Variants in NPAS3 observed in about 807,000 individuals in gnomAD.
NPAS3 encodes the protein neuronal PAS domain protein 3.
In NPAS3, 14 loss-of-function variants were observed where a neutral mutation model predicts 73.1. That is an observed-to-expected ratio of 0.19 (90% CI 0.13 to 0.30). The LOEUF (loss-of-function observed/expected upper bound fraction) is 0.30, where lower values mean the gene tolerates loss of function less well. NPAS3 is among the 10% of genes least tolerant of loss of function. The probability of loss-of-function intolerance (pLI) is 1.00; values close to 1 mark genes in which losing one functional copy is unlikely to be tolerated. For synonymous variants in NPAS3, 620 were observed against 541.5 expected (o/e 1.14, Z -2.01); for missense variants, 1,096 against 1,250.0 (o/e 0.88, Z 1.86).
intron 1 of NPAS3, among the ~76,000 whole-genome samples, chr14:32,956,640 A>G (rs1427680337): frequency 3.9e-5 from 6 of 152,186 alleles, no homozygotes; most frequent in African/African-American, 1.4e-4. Flanking sequence ...TCCAAAGTTT[A>G]TAATCTGTTG....
chr14:33,734,162 A>G (rs938780298), intron 6 of NPAS3, among the ~76,000 whole-genome samples: 1 of 152,192 alleles, frequency 6.6e-6, no homozygotes. Flanking sequence ...TAGCGTTAGC[A>G]TACGACTACT....
intron 2 of NPAS3, among the ~76,000 whole-genome samples, chr14:33,171,481 T>C (rs942703853): frequency 6.6e-6 from 1 of 152,222 alleles, no homozygotes; most frequent in African/African-American, 2.4e-5. Flanking sequence ...TTTTATGTTA[T>C]GGCATCTTTC....
At position 33,607,719 on chromosome 14, in the gene NPAS3, A is replaced by G. The variant is rs141587923; in HGVS notation, c.558+47509A>G. Among the ~76,000 whole-genome samples, 338 of 152,328 alleles carry G rather than the reference A, an allele frequency of 2.2e-3. 2 individuals carry two copies. Among genetic ancestry groups the G allele is most frequent in the African/African-American group, 7.7e-3 (322 of 41,572 alleles). The stretch of plus-strand genomic sequence containing the variant: ...TAGGAACATGTATTAGTCCGTTCTC[A>G]TGCTGCTAATAAAGACATACCTGAG... On this transcript the variant is annotated intron_variant, in intron 5 of 11. Transcript: ENST00000356141.
At chr14:33,090,271 A>C (rs1440061840) in intron 2 of NPAS3, among the ~76,000 whole-genome samples, 1 of 133,710 alleles carries the variant, frequency 7.5e-6, no homozygotes, top group East Asian at 2.2e-4. Flanking sequence ...GTGCAGAGTC[A>C]CACATAGGCT....
intron 5 of NPAS3, among the ~76,000 whole-genome samples, chr14:33,562,974 G>A (rs1054414877): frequency 7.2e-5 from 11 of 151,728 alleles, no homozygotes; most frequent in Non-Finnish European, 1.3e-4. Flanking sequence ...TTGGCTAAGT[G>A]GTTATTCTAT....
chr14:33,051,280 C>CAAAAAAAAAAAAAAAAAA (rs1236766783), intron 1 of NPAS3, among the ~76,000 whole-genome samples: 8 of 64,248 alleles, frequency 1.2e-4, no homozygotes, highest in South Asian at 5.6e-4. Context: ...GACTCCGTCT[C>CAAAAAAAAAAAAAAAAAA]AAAAAAAAAA....
At chr14:33,307,615 G>A (rs536790829) in intron 3 of NPAS3, among the ~76,000 whole-genome samples, 13 of 150,032 alleles carry the variant, frequency 8.7e-5, no homozygotes, top group East Asian at 2.0e-4. Context: ...GTGTGTGTTC[G>A]TGTGCGTGCA....
At chr14:33,480,299 A>T (rs982482124) in intron 4 of NPAS3, among the ~76,000 whole-genome samples, 1 of 152,214 alleles carries the variant, frequency 6.6e-6, no homozygotes, top group African/African-American at 2.4e-5. Flanking sequence ...ATTTACTGAT[A>T]CGTAGATATA....
chr14:33,338,520 A>G (rs1274920058), intron 3 of NPAS3, among the ~76,000 whole-genome samples: 1 of 152,218 alleles, frequency 6.6e-6, no homozygotes, highest in Admixed American at 6.5e-5. Context: ...TCCAAGGAAG[A>G]AATGAAAGGC....
intron 2 of NPAS3, among the ~76,000 whole-genome samples, chr14:33,096,577 C>G (rs2042425890): frequency 6.6e-6 from 1 of 152,160 alleles, no homozygotes; most frequent in African/African-American, 2.4e-5. Context: ...CACTTAGTCT[C>G]TCTGTGCCTC....
At chr14:33,093,654 G>A (rs930529183) in intron 2 of NPAS3, among the ~76,000 whole-genome samples, 13 of 152,056 alleles carry the variant, frequency 8.5e-5, no homozygotes, top group South Asian at 2.1e-4. Flanking sequence ...ATGCTGCTAT[G>A]AAGACACATG....
At chr14:33,408,680 G>A (rs1339298610) in intron 4 of NPAS3, among the ~76,000 whole-genome samples, 1 of 152,166 alleles carries the variant, frequency 6.6e-6, no homozygotes, top group Non-Finnish European at 1.5e-5. Flanking sequence ...GGTGCCAGTA[G>A]TTTTCTGGGC....
At chr14:33,679,421 G>T (rs1354877977) in intron 6 of NPAS3, among the ~76,000 whole-genome samples, 8 of 152,162 alleles carry the variant, frequency 5.3e-5, no homozygotes, top group African/African-American at 1.9e-4. Context: ...ACATCACAAA[G>T]CTGCTTATGT....
intron 2 of NPAS3, among the ~76,000 whole-genome samples, chr14:33,080,771 T>A (rs1266265974): frequency 6.6e-6 from 1 of 152,194 alleles, no homozygotes; most frequent in African/African-American, 2.4e-5. Context: ...CAGGAAAGCG[T>A]GTAAGAGCTG....
At position 33,694,790 on chromosome 14, in the gene NPAS3, C is replaced by T. The variant is rs140917865; in HGVS notation, c.733+18405C>T. Among the ~76,000 whole-genome samples, 7 of 152,298 alleles carry T rather than the reference C, an allele frequency of 4.6e-5. No individual in the cohort carries two copies. In the East Asian group the frequency reaches 1.4e-3, roughly 29 times the overall value. On this transcript the variant is annotated intron_variant, in intron 6 of 11. Transcript: ENST00000356141. ...CATCTTTCCATCAGATACTCTGCGA[C>T]AGCAAGACCACCTAAATGAGAAATC...
At chr14:33,654,874 A>G (rs1228247014) in intron 5 of NPAS3, among the ~76,000 whole-genome samples, 1 of 152,206 alleles carries the variant, frequency 6.6e-6, no homozygotes, top group Non-Finnish European at 1.5e-5. Flanking sequence ...GCTCATGAAG[A>G]TCACCACGTG....
Position 33,594,739 on chromosome 14 carries a change from G to A in NPAS3, c.558+34529G>A, listed in dbSNP as rs571550936. On this transcript the variant is annotated intron_variant, in intron 5 of 11. Coordinates refer to ENST00000356141, the Ensembl canonical transcript of NPAS3. ...CTCTTGGCAGTTTGGAGAGAGTTGC[G>A]GGATTTTTCAGCCTAGATGTAACCT... Among the ~76,000 whole-genome samples the A allele has an allele frequency of 5.3e-5, 8 of 152,240 alleles. 1 individual carries two copies. Among genetic ancestry groups the A allele is most frequent in the Middle Eastern group, 6.8e-3 (2 of 294 alleles).
In NPAS3 at chr14:33,386,116, G is replaced by A. The variant is rs1455736663; in HGVS notation, c.468+18848G>A. ...TGTAGTAGTGCTCAGGGAAAGTTAG[G>A]ACCAAATAATTTTAGATGGTGATTT... is the stretch of plus-strand genomic sequence containing the variant. On this transcript the variant is annotated intron_variant, in intron 4 of 11. Coordinates refer to ENST00000356141, the Ensembl canonical transcript of NPAS3. Among the ~76,000 whole-genome samples the A allele has an allele frequency of 2.6e-5, 4 of 151,746 alleles. No homozygotes were observed. In the South Asian group the frequency reaches 6.3e-4, roughly 24 times the overall value.
chr14:33,708,618 C>A (rs2060727867), intron 6 of NPAS3, among the ~76,000 whole-genome samples: 1 of 152,006 alleles, frequency 6.6e-6, no homozygotes, highest in Admixed American at 6.5e-5. Flanking sequence ...AGATGAAAAG[C>A]AAGATGGCAA....
Sources: gnomAD v4.1 joint callset for allele counts (sites outside exome capture counted in the v4.1 genomes callset) on GRCh38, gnomAD v4.1.1 for gene constraint, MANE v1.5 for transcripts, NCBI Gene and HGNC (gene_info 2026-07-23, HGNC 2026-07-21) for gene names.